The following ST6GALNAC3 variants were observed in gnomAD, a reference collection of about 807,000 sequenced individuals.
The protein encoded by ST6GALNAC3 is alpha-N-acetylgalactosaminide alpha-2,6-sialyltransferase 3.
ST6GALNAC3 carries 25 observed loss-of-function variants against 32.7 expected under a neutral mutation model. The ratio of observed to expected loss-of-function variants is 0.76; its 90% confidence interval spans 0.56 to 1.07. The LOEUF (loss-of-function observed/expected upper bound fraction) is 1.07. Ranked by LOEUF, ST6GALNAC3 falls within the 50% of genes least tolerant of loss-of-function variation. The pLI is 0.00. For synonymous variants in ST6GALNAC3, 129 were observed against 133.1 expected (o/e 0.97, Z 0.21); for missense variants, 355 against 382.4 (o/e 0.93, Z 0.60).
intron 2 of ST6GALNAC3, among the ~76,000 whole-genome samples, chr1:76,347,929 G>A (rs1208135649): frequency 6.6e-6 from 1 of 152,164 alleles, no homozygotes; most frequent in African/African-American, 2.4e-5. Flanking sequence ...TGGTTATTAT[G>A]ATTTATGATT....
intron 1 of ST6GALNAC3, among the ~76,000 whole-genome samples, chr1:76,092,725 T>G (rs1647066191): frequency 1.3e-5 from 2 of 152,190 alleles, no homozygotes; most frequent in African/African-American, 4.8e-5. Flanking sequence ...CCCTGCATTT[T>G]TATTTTGCAT....
rs60378565 is a variant in ST6GALNAC3 at position 76,494,429 on chromosome 1, GTATATATATATATATA to G, written c.623+82037_623+82052del. Among the ~76,000 whole-genome samples, 24 of 53,434 alleles carry G rather than the reference GTATATATATATATATA, an allele frequency of 4.5e-4. No homozygotes were observed. In the South Asian group the frequency reaches 5.5e-3, roughly 12 times the overall value. 35.1% of individuals were successfully genotyped at this position (53,434 alleles called of 152,430 possible). On this transcript the variant is annotated intron_variant, in intron 3 of 4. Transcript: ENST00000328299. ...TAGGACTAATAGGATGTGTGCATGT[GTATATATATATATATA>G]TATATATATATATATATATATATAC...
chr1:76,608,160 C>T (rs1408012593), intron 3 of ST6GALNAC3, among the ~76,000 whole-genome samples: 3 of 152,150 alleles, frequency 2.0e-5, no homozygotes, highest in Non-Finnish European at 4.4e-5. Flanking sequence ...AGTACATGGA[C>T]CTGAGGCATG....
chr1:76,508,324 C>T (rs1661608913), intron 3 of ST6GALNAC3, among the ~76,000 whole-genome samples: 1 of 152,190 alleles, frequency 6.6e-6, no homozygotes, highest in African/African-American at 2.4e-5. Context: ...CGCTTGCCCA[C>T]CGCTCACCTA....
At chr1:76,542,824 A>G (rs1664072355) in intron 3 of ST6GALNAC3, among the ~76,000 whole-genome samples, 1 of 152,342 alleles carries the variant, frequency 6.6e-6, no homozygotes, top group South Asian at 2.1e-4. Flanking sequence ...ATGTTAATGA[A>G]GTGACACAAT....
chr1:76,441,663 T>C (rs1376552592), intron 3 of ST6GALNAC3, among the ~76,000 whole-genome samples: 1 of 152,190 alleles, frequency 6.6e-6, no homozygotes, highest in Admixed American at 6.5e-5. Context: ...TATGTATAAT[T>C]AAATTATTGA....
chr1:76,489,626 A>T (rs1660363735), intron 3 of ST6GALNAC3, among the ~76,000 whole-genome samples: 1 of 152,096 alleles, frequency 6.6e-6, no homozygotes, highest in Admixed American at 6.6e-5. Context: ...AATAATCAAA[A>T]CTCTGAACTT....
At chr1:76,539,569 G>T (rs182379571) in intron 3 of ST6GALNAC3, among the ~76,000 whole-genome samples, 4 of 152,078 alleles carry the variant, frequency 2.6e-5, no homozygotes, top group Non-Finnish European at 5.9e-5. Context: ...TATTGTCAGC[G>T]TGAACAGGCA....
intron 2 of ST6GALNAC3, among the ~76,000 whole-genome samples, chr1:76,372,355 C>T (rs930269379): frequency 1.3e-5 from 2 of 151,970 alleles, no homozygotes; most frequent in Admixed American, 6.6e-5. Flanking sequence ...TTATTATACA[C>T]AGACATGCAC....
chr1:76,424,635 A>G (rs1405609100), intron 3 of ST6GALNAC3, among the ~76,000 whole-genome samples: 1 of 151,996 alleles, frequency 6.6e-6, no homozygotes, highest in African/African-American at 2.4e-5. Flanking sequence ...ATGTTAAAGC[A>G]AACTTTTGTG....
At chr1:76,123,564 T>G (rs192260329) in intron 1 of ST6GALNAC3, among the ~76,000 whole-genome samples, 75 of 151,994 alleles carry the variant, frequency 4.9e-4, no homozygotes, top group Middle Eastern at 3.4e-3. Context: ...GGGGTAGGTA[T>G]AGTGCTTGGT....
intron 3 of ST6GALNAC3, among the ~76,000 whole-genome samples, chr1:76,552,986 T>A (rs922833828): frequency 2.0e-5 from 3 of 152,220 alleles, no homozygotes; most frequent in Non-Finnish European, 2.9e-5. Flanking sequence ...TCTCTTGAGT[T>A]TATCATGGAT....
intron 1 of ST6GALNAC3, among the ~76,000 whole-genome samples, chr1:76,116,822 C>T (rs1449146813): frequency 6.6e-6 from 1 of 152,154 alleles, no homozygotes; most frequent in Non-Finnish European, 1.5e-5. Context: ...ATCCCAGCTA[C>T]TCAGGAGGCT....
chr1:76,482,713 C>A (rs1411688383), intron 3 of ST6GALNAC3, among the ~76,000 whole-genome samples: 1 of 151,790 alleles, frequency 6.6e-6, no homozygotes, highest in African/African-American at 2.4e-5. Context: ...TATGCTACTG[C>A]CTTTTCTTTT....
intron 2 of ST6GALNAC3, among the ~76,000 whole-genome samples, chr1:76,341,684 T>TC (rs1277086886): frequency 1.8e-4 from 27 of 149,644 alleles, no homozygotes; most frequent in African/African-American, 3.0e-4. Context: ...TTTCTTTCCT[T>TC]CTTTCTTTCT....
At chr1:76,331,878 A>G (rs968212213) in intron 2 of ST6GALNAC3, among the ~76,000 whole-genome samples, 1 of 152,140 alleles carries the variant, frequency 6.6e-6, no homozygotes, top group African/African-American at 2.4e-5. Flanking sequence ...GTCTTTTTTG[A>G]TTATTCCTCT....
chr1:76,330,078 C>A (rs1234250736), intron 2 of ST6GALNAC3, among the ~76,000 whole-genome samples: 1 of 152,048 alleles, frequency 6.6e-6, no homozygotes, highest in Non-Finnish European at 1.5e-5. Flanking sequence ...GTTGGGATTA[C>A]AAGCGTAAGC....
chr1:76,608,361 A>C (rs1028700860), intron 3 of ST6GALNAC3, among the ~76,000 whole-genome samples: 4 of 152,336 alleles, frequency 2.6e-5, no homozygotes, highest in South Asian at 4.1e-4. Context: ...AGATTAACCA[A>C]ATAAACAACA....
At chr1:76,308,861 C>T (rs1017425307) in intron 1 of ST6GALNAC3, among the ~76,000 whole-genome samples, 1 of 152,122 alleles carries the variant, frequency 6.6e-6, no homozygotes, top group African/African-American at 2.4e-5. Context: ...TTGATTGCAT[C>T]CAACTTCATT....
Sources: gnomAD v4.1 joint callset for allele counts (sites outside exome capture counted in the v4.1 genomes callset) on GRCh38, gnomAD v4.1.1 for gene constraint, MANE v1.5 for transcripts, NCBI Gene and HGNC (gene_info 2026-07-23, HGNC 2026-07-21) for gene names.